MALRD1: variants seen among roughly 807,000 people sequenced by gnomAD.
MALRD1 encodes the protein MAM and LDL-receptor class A domain-containing protein 1.
Under a neutral mutation model 242.1 loss-of-function variants are expected in MALRD1, and 247 were observed. That is an observed-to-expected ratio of 1.02 (90% confidence interval 0.92 to 1.13). The LOEUF is 1.13. MALRD1 is among the 50% of genes most tolerant of loss of function. MALRD1 has a pLI of 0.00. For synonymous variants in MALRD1, 995 were observed against 866.6 expected, an observed-to-expected ratio of 1.15 and a Z score of -2.60; for missense variants, 2,989 against 2,533.1, an observed-to-expected ratio of 1.18 and a Z score of -3.86.
chr10:19,284,539 A>G (rs939077899), intron 21 of MALRD1, among the ~76,000 whole-genome samples: 1 of 150,926 alleles, frequency 6.6e-6, no homozygotes, highest in African/African-American at 2.4e-5. Context: ...ACTGAGAATG[A>G]TGGTTTCCAG....
intron 2 of MALRD1, among the ~76,000 whole-genome samples, chr10:19,072,811 C>A (rs1285708522): frequency 6.6e-6 from 1 of 152,028 alleles, no homozygotes; most frequent in East Asian, 1.9e-4. Flanking sequence ...GTAGTCAATC[C>A]TCTTTCTTTA....
chr10:19,633,308 C>G (rs79592442), intron 36 of MALRD1, among the ~76,000 whole-genome samples: 2,795 of 152,254 alleles, frequency 0.018, 46 homozygotes, highest in East Asian at 0.035. Context: ...TTCACGCCCC[C>G]TCATTGGAGA....
Position 19,283,007 on chromosome 10 carries a change from A to G in MALRD1, c.3257-12A>G. On this transcript the variant is annotated splice_polypyrimidine_tract_variant and intron_variant, in intron 20 of 39. Transcript: ENST00000454679. ...TACTAGCTCACCTTTTCTTTGTTCT[A>G]CCCCATCCAAGTTATGGAAGTTTGC... 2.6e-6 allele frequency: 4 copies of G among 1,534,096 alleles called. No individual in the cohort carries two copies. The highest frequency in any genetic ancestry group is 3.5e-6 in the Non-Finnish European group (4 of 1,137,372).
At chr10:19,101,645 T>C (rs1343403467) in intron 4 of MALRD1, among the ~76,000 whole-genome samples, 1 of 134,394 alleles carries the variant, frequency 7.4e-6, no homozygotes, top group Non-Finnish European at 1.5e-5. Flanking sequence ...ATATATACAA[T>C]ACATATACTA....
intron 11 of MALRD1, among the ~76,000 whole-genome samples, chr10:19,150,088 G>C (rs1279145904): frequency 6.6e-6 from 1 of 152,166 alleles, no homozygotes; most frequent in African/African-American, 2.4e-5. Flanking sequence ...CCACTAACCA[G>C]CTGAAGGACA....
intron 36 of MALRD1, among the ~76,000 whole-genome samples, chr10:19,623,202 A>G (rs1019199659): frequency 2.0e-5 from 3 of 152,116 alleles, no homozygotes; most frequent in African/African-American, 7.2e-5. Flanking sequence ...TACCACCAAA[A>G]GCAATATCAA....
intron 13 of MALRD1, among the ~76,000 whole-genome samples, chr10:19,173,653 C>G (rs955773973): frequency 6.6e-6 from 1 of 152,246 alleles, no homozygotes; most frequent in East Asian, 1.9e-4. Context: ...ACACAATACA[C>G]TTTCTCATCT....
At chr10:19,376,008 G>A (rs1845572933) in intron 26 of MALRD1, among the ~76,000 whole-genome samples, 1 of 152,200 alleles carries the variant, frequency 6.6e-6, no homozygotes, top group Non-Finnish European at 1.5e-5. Flanking sequence ...TGTAGTCCCA[G>A]CTACTCAGGA....
chr10:19,062,836 A>T lies in MALRD1; in HGVS notation c.200-3883A>T, dbSNP rs186794320. On this transcript the variant is annotated intron_variant, in intron 1 of 39. Coordinates refer to ENST00000454679, the MANE Select transcript of MALRD1 (RefSeq NM_001142308.3). Reference sequence around the variant, plus strand: ...GTGATGGTTGCTTAACAATGTGAATATACTGAATACCACAGAACTACACAC... The same window carrying T: ...GTGATGGTTGCTTAACAATGTGAATTTACTGAATACCACAGAACTACACAC... Among the ~76,000 whole-genome samples the T allele has an allele frequency of 5.3e-5, 8 of 152,068 alleles. No homozygotes were observed. The East Asian group carries it at 1.4e-3, about 26-fold the overall frequency.
chr10:19,326,720 T>TA (rs940723874), intron 22 of MALRD1, among the ~76,000 whole-genome samples: 1 of 152,192 alleles, frequency 6.6e-6, no homozygotes, highest in South Asian at 2.1e-4. Context: ...TGAATTTAAT[T>TA]AAAAAAACAG....
chr10:19,254,938 A>G (rs1839439473), intron 18 of MALRD1, among the ~76,000 whole-genome samples: 1 of 151,978 alleles, frequency 6.6e-6, no homozygotes, highest in Non-Finnish European at 1.5e-5. Context: ...TGTGAGGACA[A>G]TCGTTTTTAT....
intron 29 of MALRD1, among the ~76,000 whole-genome samples, chr10:19,475,734 T>C (rs1215231320): frequency 6.6e-6 from 1 of 152,192 alleles, no homozygotes; most frequent in Non-Finnish European, 1.5e-5. Flanking sequence ...ACCCTGAAAT[T>C]TGCACATAAA....
intron 32 of MALRD1, among the ~76,000 whole-genome samples, chr10:19,564,530 T>C (rs1450109795): frequency 6.6e-6 from 1 of 152,052 alleles, no homozygotes; most frequent in African/African-American, 2.4e-5. Flanking sequence ...AAATTATTAC[T>C]TTACATTATA....
rs1245668421 is a variant in MALRD1 at position 19,381,157 on chromosome 10, G to T, written c.4442-6371G>T. 4.7e-5 allele frequency among the ~76,000 whole-genome samples: 7 copies of T among 148,396 alleles called. No homozygotes were observed. The East Asian group carries it at 1.4e-3, about 30-fold the overall frequency. ...TCCCACCTGTGAGTGAGAATATGCG[G>T]TGTTCGGTTTTTTGTTCTTGCAATA... is the stretch of plus-strand genomic sequence containing the variant. On this transcript the variant is annotated intron_variant, in intron 26 of 39. Transcript: ENST00000454679.
intron 21 of MALRD1, among the ~76,000 whole-genome samples, chr10:19,317,772 G>T (rs991303524): frequency 6.6e-6 from 1 of 152,038 alleles, no homozygotes; most frequent in African/African-American, 2.4e-5. Context: ...TAATCTGTGT[G>T]ATAGTAAGAG....
intron 23 of MALRD1, among the ~76,000 whole-genome samples, chr10:19,329,872 A>T (rs575039507): frequency 6.6e-6 from 1 of 152,330 alleles, no homozygotes; most frequent in South Asian, 2.1e-4. Context: ...ATAAGTGATG[A>T]TTTGATTATT....
intron 26 of MALRD1, among the ~76,000 whole-genome samples, chr10:19,385,756 T>A (rs1198100573): frequency 6.6e-6 from 1 of 152,066 alleles, no homozygotes; most frequent in Non-Finnish European, 1.5e-5. Flanking sequence ...TTATAATTAT[T>A]TTTGTTCTGC....
intron 38 of MALRD1, among the ~76,000 whole-genome samples, chr10:19,706,355 G>T (rs1030996190): frequency 6.6e-6 from 1 of 151,402 alleles, no homozygotes; most frequent in African/African-American, 2.4e-5. Context: ...TTGCTCTTTC[G>T]CCCAGGCTAG....
At chr10:19,643,270 A>G (rs951149435) in intron 36 of MALRD1, among the ~76,000 whole-genome samples, 1 of 152,018 alleles carries the variant, frequency 6.6e-6, no homozygotes, top group East Asian at 1.9e-4. Context: ...CGTCTCTAAT[A>G]AAAATACAGA....
Sources: gnomAD v4.1 joint callset for allele counts (sites outside exome capture counted in the v4.1 genomes callset) on GRCh38, gnomAD v4.1.1 for gene constraint, MANE v1.5 for transcripts, NCBI Gene and HGNC (gene_info 2026-07-23, HGNC 2026-07-21) for gene names.